The following SPART variants were observed in gnomAD, a reference collection of about 807,000 sequenced individuals.
SPART encodes spastic paraplegia 20 (Troyer syndrome).
Under a neutral mutation model 58.7 loss-of-function variants are expected in SPART, and 35 were observed. That is an observed-to-expected ratio of 0.60 (90% CI 0.46 to 0.79). SPART has a LOEUF of 0.79. Among genes scored for constraint, SPART ranks in the 30% least tolerant of loss-of-function variants. The pLI is 0.00. For synonymous variants in SPART, 284 were observed against 280.7 expected (o/e 1.01, Z -0.12); for missense variants, 730 against 786.1 (o/e 0.93, Z 0.85).
At chr13:36,304,774 C>T in intron 8 of SPART, 142 bp from the exon 9 acceptor site, 1 of 829,180 alleles carries the variant, frequency 1.2e-6, no homozygotes. Flanking sequence ...TAATTAATAA[C>T]TTAAAACACA....
At chr13:36,354,462 G>A (rs1485240443) in intron 1 of SPART, among the ~76,000 whole-genome samples, 1 of 152,102 alleles carries the variant, frequency 6.6e-6, no homozygotes, top group Non-Finnish European at 1.5e-5. Context: ...AACCCTACAG[G>A]CACTGCATGC....
chr13:36,326,292 A>G (rs1045980486), intron 5 of SPART: 6 of 400,608 alleles, frequency 1.5e-5, no homozygotes, highest in Admixed American at 3.9e-5. Flanking sequence ...GAACATAACT[A>G]ATTTTAGATT....
Position 36,335,103 on chromosome 13 carries a change from G to A in SPART, c.728C>T (p.Ser243Leu), listed in dbSNP as rs757350644. 3.3e-5 allele frequency: 53 copies of A among 1,613,990 alleles called. No homozygotes were observed. In the Admixed American group the frequency reaches 6.7e-4, roughly 20 times the overall value. ...VNPAGEVSAP[S>L]YPGYLRIVRF... ...CACAATTCGAAGGTACCCAGGATAC[G>A]AAGGTGCACTAACCTCCCCTGCAGG... Residue 243 changes from serine to leucine, a missense_variant, in exon 2 of 9, where the codon TCG becomes TTG. Physicochemically the swap from Ser to Leu is moderately radical, Grantham distance 145 (BLOSUM62 -2). Transcript: ENST00000438666.
intron 1 of SPART, among the ~76,000 whole-genome samples, chr13:36,362,714 A>G (rs1885912460): frequency 1.3e-5 from 2 of 152,086 alleles, no homozygotes; most frequent in Non-Finnish European, 2.9e-5. Context: ...TTGGTGCCTA[A>G]GATAGCCCAC....
At chr13:36,306,148 T>TC (rs1880488320) in intron 8 of SPART, among the ~76,000 whole-genome samples, 1 of 152,202 alleles carries the variant, frequency 6.6e-6, no homozygotes, top group Non-Finnish European at 1.5e-5. Context: ...TCTGTACTAC[T>TC]CTTAATTGGG....
chr13:36,314,062 G>A (rs1303823352), intron 6 of SPART, 165 bp downstream of exon 6: 7 of 676,954 alleles, frequency 1.0e-5, no homozygotes, highest in East Asian at 8.1e-5. Context: ...ACGATGTGAT[G>A]TTGCTGGTCC....
At chr13:36,305,346 T>G (rs763305003) in intron 8 of SPART, among the ~76,000 whole-genome samples, 72 of 152,176 alleles carry the variant, frequency 4.7e-4, no homozygotes, top group African/African-American at 1.6e-3. Flanking sequence ...CCCTTTACAC[T>G]GCTTTTTTTC....
intron 2 of SPART, among the ~76,000 whole-genome samples, chr13:36,333,868 C>G (rs990383178): frequency 6.6e-6 from 1 of 152,188 alleles, no homozygotes; most frequent in Non-Finnish European, 1.5e-5. Flanking sequence ...TTAAAATAAT[C>G]TACAGGATTC....
At chr13:36,325,224 T>C (rs550575410) in intron 5 of SPART, among the ~76,000 whole-genome samples, 3 of 152,288 alleles carry the variant, frequency 2.0e-5, no homozygotes, top group African/African-American at 7.2e-5. Flanking sequence ...CTAATAATAA[T>C]GCTTAGCAGC....
intron 1 of SPART, among the ~76,000 whole-genome samples, chr13:36,355,684 C>G (rs1041592276): frequency 2.0e-5 from 3 of 152,148 alleles, no homozygotes; most frequent in South Asian, 2.1e-4. Context: ...AAGGCTCCCC[C>G]CAACCATCTG....
Position 36,304,365 on chromosome 13 carries a change from T to C in SPART, c.2001A>G (p.Ter667TrpextTer1). ...GGTATAAGTGATTCCCAGCACTTCA[T>C]CATTTATCTTTCTTCTTTGCCTCCT... ...EVKEAKKKDK* is the reference protein window; with the variant it reads ...EVKEAKKKDKW The change falls in exon 9 of 9, where the codon TGA becomes TGG. Residue 667 changes from the stop codon to tryptophan, a stop_lost. Coordinates refer to ENST00000438666, the MANE Select transcript of SPART (RefSeq NM_015087.5). The C allele has an allele frequency of 6.2e-7, 1 of 1,614,068 alleles. No homozygotes were observed. Among genetic ancestry groups the C allele is most frequent in the Non-Finnish European group, 8.5e-7 (1 of 1,179,942 alleles).
At chr13:36,327,268 A>T (rs1482446389) in intron 4 of SPART, among the ~76,000 whole-genome samples, 1 of 152,198 alleles carries the variant, frequency 6.6e-6, no homozygotes, top group African/African-American at 2.4e-5. Flanking sequence ...CAAACTCTTA[A>T]AGCTAAATGA....
In SPART at chr13:36,362,612, C is replaced by T. The variant is rs540166241; in HGVS notation, c.-3+7477G>A. On this transcript the variant is annotated intron_variant, in intron 1 of 8. Transcript: ENST00000355182. ...TCTCCCCTGTGTGCTCTGCATGAGGCCACCTGAGAAGATCTGGACTCATGC... is the reference window on the plus strand; with the variant it reads ...TCTCCCCTGTGTGCTCTGCATGAGGTCACCTGAGAAGATCTGGACTCATGC... Among the ~76,000 whole-genome samples the T allele has an allele frequency of 1.1e-4, 16 of 152,180 alleles. No individual in the cohort carries two copies. The South Asian group carries it at 3.1e-3, about 30-fold the overall frequency.
chr13:36,326,696 A>G lies in SPART; in HGVS notation c.1167T>C (p.Ala389=), dbSNP rs1397046478. 6.2e-7 allele frequency: 1 copy of G among 1,612,706 alleles called. No homozygotes were observed. The highest frequency in any genetic ancestry group is 1.3e-5 in the African/African-American group (1 of 74,952). Residue 389 remains alanine (A), a splice_region_variant and synonymous_variant, in exon 5 of 9, where the codon GCT becomes GCC. Transcript: ENST00000438666. The part of the protein sequence containing the change: ...VRHKGKRGKR[A]KDTSSEEVNL... ...TAACTTCTTCACTTGAAGTATCTTT[A>G]GCCTAAACAGTAAAAATGTTTCAAA... is the stretch of plus-strand genomic sequence containing the variant.
chr13:36,356,827 G>A (rs1885638838), intron 1 of SPART, among the ~76,000 whole-genome samples: 1 of 152,164 alleles, frequency 6.6e-6, no homozygotes, highest in South Asian at 2.1e-4. Context: ...GTCAACATAA[G>A]TAAGGGAGGA....
At chr13:36,309,243 CAA>C (rs566701572) in intron 8 of SPART, among the ~76,000 whole-genome samples, 3 of 103,152 alleles carry the variant, frequency 2.9e-5, no homozygotes, top group East Asian at 2.5e-4. Context: ...AACTCCGTCT[CAA>C]AAAAAAAAAA....
intron 8 of SPART, among the ~76,000 whole-genome samples, chr13:36,307,782 A>C (rs1880665745): frequency 6.6e-6 from 1 of 152,094 alleles, no homozygotes; most frequent in South Asian, 2.1e-4. Context: ...AAAAGTATTA[A>C]TGTAACTGAC....
intron 1 of SPART, among the ~76,000 whole-genome samples, chr13:36,358,392 T>C (rs1885705797): frequency 6.6e-6 from 1 of 152,204 alleles, no homozygotes; most frequent in African/African-American, 2.4e-5. Flanking sequence ...AAAGACTTGT[T>C]GCTGTCATGA....
chr13:36,353,977 A>G (rs1885520340), intron 1 of SPART, among the ~76,000 whole-genome samples: 1 of 152,208 alleles, frequency 6.6e-6, no homozygotes. Context: ...TCAGATGTCA[A>G]AGGATGCTTT....
Sources: allele counts gnomAD v4.1 joint callset (sites outside exome capture counted in the v4.1 genomes callset), GRCh38; gene constraint gnomAD v4.1.1; transcripts MANE v1.5; gene names NCBI Gene and HGNC (gene_info 2026-07-23, HGNC 2026-07-21).